The following TENT5D variants were observed in gnomAD, a reference collection of about 807,000 sequenced individuals.
TENT5D encodes the protein terminal nucleotidyltransferase 5D.
For synonymous variants in TENT5D, 103 were observed against 100.6 expected (o/e 1.02, Z -0.15); for missense variants, 191 against 287.0 (o/e 0.67, Z 2.42).
chrX:80,386,961 C>T (rs894693790), intron 3 of TENT5D, among the ~76,000 whole-genome samples: 6 of 111,969 alleles, frequency 5.4e-5, no homozygotes, highest in Non-Finnish European at 1.9e-5. Flanking sequence ...ATTTGTAGTC[C>T]TCTAGAGATC....
At chrX:80,434,340 G>A (rs765081602) in intron 1 of TENT5D, among the ~76,000 whole-genome samples, 5 of 110,832 alleles carry the variant, frequency 4.5e-5, no homozygotes, top group Non-Finnish European at 9.4e-5. Context: ...ATAAATTGAA[G>A]CCCTCCTCCT....
intron 3 of TENT5D, among the ~76,000 whole-genome samples, chrX:80,385,807 A>C (rs1324037068): frequency 8.9e-6 from 1 of 112,570 alleles, no homozygotes; most frequent in East Asian, 2.8e-4. Flanking sequence ...ATGCAAACAA[A>C]AGACACATGA....
chrX:80,359,007 A>C (rs769940511), intron 3 of TENT5D, among the ~76,000 whole-genome samples: 1 of 112,292 alleles, frequency 8.9e-6, no homozygotes, highest in Non-Finnish European at 1.9e-5. Flanking sequence ...TGTTTCTAAC[A>C]CTTCTCAAAA....
At chrX:80,373,749 C>A (rs1930674095) in intron 3 of TENT5D, among the ~76,000 whole-genome samples, 1 of 111,492 alleles carries the variant, frequency 9.0e-6, no homozygotes, top group Non-Finnish European at 1.9e-5. Context: ...TTTCTGTTTT[C>A]TCTTTGCTGT....
intron 1 of TENT5D, among the ~76,000 whole-genome samples, chrX:80,428,368 A>G (rs1932022604): frequency 1.8e-5 from 2 of 112,292 alleles, no homozygotes; most frequent in Admixed American, 9.4e-5. Flanking sequence ...GGCACCTGCA[A>G]AGCCACCACT....
chrX:80,402,764 AG>A (rs748678871), intron 3 of TENT5D, among the ~76,000 whole-genome samples: 1 of 111,954 alleles, frequency 8.9e-6, no homozygotes, highest in South Asian at 3.7e-4. Flanking sequence ...ATATGATATC[AG>A]TGTTCTTAAA....
chrX:80,350,894 C>T (rs747079816), intron 3 of TENT5D, among the ~76,000 whole-genome samples: 3 of 111,653 alleles, frequency 2.7e-5, no homozygotes, highest in South Asian at 3.8e-4. Context: ...TTTTATTTCT[C>T]CTTCAGTTAT....
Position 80,376,581 on chromosome X carries a change from G to A in TENT5D, c.-142+34017G>A, listed in dbSNP as rs181137207. Among the ~76,000 whole-genome samples the A allele has an allele frequency of 5.4e-5, 6 of 111,151 alleles. No individual in the cohort carries two copies. In the East Asian group the frequency reaches 1.7e-3, roughly 31 times the overall value. The stretch of plus-strand genomic sequence containing the variant: ...AATTGGCTAATATTATCATGTTATT[G>A]GATCTCTATTGTTCATGTGCTGATT... On this transcript the variant is annotated intron_variant, in intron 3 of 4. Transcript: ENST00000538312.
intron 3 of TENT5D, among the ~76,000 whole-genome samples, chrX:80,390,471 A>G (rs1010765117): frequency 8.9e-6 from 1 of 111,797 alleles, no homozygotes; most frequent in African/African-American, 3.2e-5. Flanking sequence ...TATATGATGC[A>G]GTGAGACAGA....
At chrX:80,443,792 G>T in exon 3 of TENT5D, 1 of 883,902 alleles carries the variant, frequency 1.1e-6, no homozygotes, top group Non-Finnish European at 1.5e-6. Flanking sequence ...TTCAAGATCT[G>T]TTTTTATTTT....
intron 3 of TENT5D, among the ~76,000 whole-genome samples, chrX:80,345,095 G>T (rs144509773): frequency 2.6e-4 from 29 of 111,927 alleles, no homozygotes; most frequent in African/African-American, 8.7e-4. Context: ...AATAGTGACA[G>T]TTTAAGAAAC....
At chrX:80,441,736 G>C (rs772420516) in intron 2 of TENT5D, among the ~76,000 whole-genome samples, 2 of 110,825 alleles carry the variant, frequency 1.8e-5, no homozygotes, top group African/African-American at 6.5e-5. Flanking sequence ...AAAATTATCT[G>C]AGCATATTAT....
chrX:80,409,983 G>T (rs1469673467), intron 3 of TENT5D, among the ~76,000 whole-genome samples: 2 of 109,005 alleles, frequency 1.8e-5, no homozygotes, highest in African/African-American at 6.7e-5. Flanking sequence ...CCTGAGAAAA[G>T]CAATGGGGAA....
chrX:80,388,048 C>T (rs373571248), intron 3 of TENT5D, among the ~76,000 whole-genome samples: 2 of 111,139 alleles, frequency 1.8e-5, no homozygotes, highest in African/African-American at 6.6e-5. Flanking sequence ...CAGGATAACA[C>T]TGATGTTCAT....
intron 3 of TENT5D, among the ~76,000 whole-genome samples, chrX:80,366,961 A>G (rs1930523021): frequency 9.0e-6 from 1 of 111,613 alleles, no homozygotes; most frequent in Non-Finnish European, 1.9e-5. Context: ...TGTGAGATAG[A>G]AAATATATGC....
In TENT5D at chrX:80,444,794, T is replaced by C. The variant is rs1266457002; in HGVS notation, c.*1085T>C. ...TAATTTATTCAACAACTGTATACCT[T>C]TACAGTATATCTAAATATATACTTA... On this transcript the variant is annotated 3_prime_UTR_variant, in exon 3 of 3. Transcript: ENST00000308293. 2.4e-5 allele frequency: 3 copies of C among 122,852 alleles called. No homozygotes were observed. In the Admixed American group the frequency reaches 2.9e-4, roughly 12 times the overall value. The allele number at this position is 122,852 out of a possible 1,213,427, so 10.1% of individuals were successfully genotyped here. A position where few individuals can be genotyped will look rare whatever the true frequency, so the allele number is the denominator to read the frequency against.
chrX:80,372,650 G>T (rs1278554507), intron 3 of TENT5D, among the ~76,000 whole-genome samples: 1 of 110,565 alleles, frequency 9.0e-6, no homozygotes, highest in Non-Finnish European at 1.9e-5. Flanking sequence ...ACTTTGGGAG[G>T]CTGAGGCGTG....
At chrX:80,425,754 C>T (rs1004133791) in intron 1 of TENT5D, among the ~76,000 whole-genome samples, 7 of 112,079 alleles carry the variant, frequency 6.2e-5, no homozygotes, top group Non-Finnish European at 1.3e-4. Flanking sequence ...GAAGGCTGGG[C>T]ACAGTGGCTC....
intron 3 of TENT5D, among the ~76,000 whole-genome samples, chrX:80,362,980 A>G (rs1352838446): frequency 8.9e-6 from 1 of 112,313 alleles, no homozygotes; most frequent in East Asian, 2.8e-4. Context: ...ACATGTGGAA[A>G]ACATTGTATA....
Sources: allele counts gnomAD v4.1 joint callset (sites outside exome capture counted in the v4.1 genomes callset), GRCh38; gene constraint gnomAD v4.1.1; transcripts MANE v1.5; gene names NCBI Gene and HGNC (gene_info 2026-07-23, HGNC 2026-07-21).